The following TENM2 variants were observed in gnomAD, a reference collection of about 807,000 sequenced individuals.
TENM2 encodes teneurin transmembrane protein 2.
Under a neutral mutation model 245.2 loss-of-function variants are expected in TENM2, and 52 were observed. That is an observed-to-expected ratio of 0.21 (90% CI 0.17 to 0.27). The LOEUF is 0.27. TENM2 is among the 10% of genes least tolerant of loss of function. The pLI is 1.00. For synonymous variants in TENM2, 1,363 were observed against 1,438.9 expected, an observed-to-expected ratio of 0.95 and a Z score of 1.19; for missense variants, 3,046 against 3,666.8, an observed-to-expected ratio of 0.83 and a Z score of 4.37.
chr5:168,106,505 ACACAGAGTTTAAGTAACTTG>A (rs1409491758), intron 9 of TENM2, among the ~76,000 whole-genome samples: 7 of 152,224 alleles, frequency 4.6e-5, no homozygotes, highest in Non-Finnish European at 7.3e-5. Context: ...AAAATGAGGC[ACACAGAGTTTAAGTAACTTG>A]CTCAAAATCA....
the TENM2 span, among the ~76,000 whole-genome samples, chr5:167,017,869 C>T: frequency 6.6e-6 from 1 of 152,034 alleles, no homozygotes; most frequent in Non-Finnish European, 1.5e-5. Context: ...TTAACATTAC[C>T]GTTGTCACGG....
intron 1 of TENM2, among the ~76,000 whole-genome samples, chr5:167,309,623 C>T (rs1486429113): frequency 6.6e-6 from 1 of 152,120 alleles, no homozygotes. Context: ...AACCTCAAAA[C>T]CAGGCTATGA....
In TENM2 at chr5:167,466,444, C is replaced by G. The variant is rs17068513; in HGVS notation, c.502+90971C>G. Among the ~76,000 whole-genome samples, 115 of 152,262 alleles carry G rather than the reference C, an allele frequency of 7.6e-4. 2 individuals are homozygous for G. The highest frequency in any genetic ancestry group is 2.6e-3 in the African/African-American group (109 of 41,552). On this transcript the variant is annotated intron_variant, in intron 2 of 28. Coordinates refer to ENST00000518659, the Ensembl canonical transcript of TENM2. ...AATTGAATTAAGGCAGTCCAAAAAT[C>G]TACATGTGTCTCAATGCATACAATG...
rs760997782 is a variant in TENM2, at chr5:167,423,245, C to T, written c.502+47772C>T. Among the ~76,000 whole-genome samples the T allele has an allele frequency of 3.3e-5, 5 of 152,250 alleles. No homozygotes were observed. In the East Asian group the frequency reaches 9.7e-4, roughly 29 times the overall value. On this transcript the variant is annotated intron_variant, in intron 2 of 28. Coordinates refer to ENST00000518659, the Ensembl canonical transcript of TENM2. ...TTTAGGGGTCATTGGTACATTTACT[C>T]AGCAAAGTTAGCTGCCTGAAAGACA...
intron 2 of TENM2, among the ~76,000 whole-genome samples, chr5:167,491,982 G>A (rs1226797334): frequency 6.6e-6 from 1 of 152,026 alleles, no homozygotes; most frequent in Non-Finnish European, 1.5e-5. Flanking sequence ...TAAAAGGAGA[G>A]CAATGGAAAG....
the TENM2 span, among the ~76,000 whole-genome samples, chr5:167,011,439 C>T: frequency 2.0e-5 from 3 of 152,180 alleles, no homozygotes; most frequent in South Asian, 4.1e-4. Flanking sequence ...CATGGACAGG[C>T]ACAGAGTTTC....
chr5:167,379,126 A>G (rs1481610004), intron 2 of TENM2, among the ~76,000 whole-genome samples: 1 of 152,144 alleles, frequency 6.6e-6, no homozygotes, highest in Non-Finnish European at 1.5e-5. Flanking sequence ...TACAATCCTC[A>G]TAATGTACTT....
chr5:167,778,263 C>T (rs769467018), intron 2 of TENM2, among the ~76,000 whole-genome samples: 3 of 152,154 alleles, frequency 2.0e-5, no homozygotes, highest in Non-Finnish European at 2.9e-5. Flanking sequence ...CTGAAACCAA[C>T]AAGAGCCATT....
intron 2 of TENM2, among the ~76,000 whole-genome samples, chr5:167,666,947 A>AC (rs1755617552): frequency 1.3e-5 from 2 of 152,196 alleles, no homozygotes; most frequent in African/African-American, 2.4e-5. Flanking sequence ...GGTTTCTGGG[A>AC]TATGGCACTT....
chr5:167,305,329 C>G (rs1262956755), intron 1 of TENM2, among the ~76,000 whole-genome samples: 2 of 152,180 alleles, frequency 1.3e-5, no homozygotes, highest in African/African-American at 4.8e-5. Flanking sequence ...TTTAGCCAAT[C>G]CCTGAGTGAA....
At chr5:167,953,635 G>A (rs1780295621) in intron 4 of TENM2, among the ~76,000 whole-genome samples, 1 of 152,216 alleles carries the variant, frequency 6.6e-6, no homozygotes, top group Admixed American at 6.5e-5. Context: ...TTCTTGGTTT[G>A]TGTGTTTCAA....
At chr5:167,198,499 A>G in the TENM2 span, among the ~76,000 whole-genome samples, 11 of 152,190 alleles carry the variant, frequency 7.2e-5, no homozygotes, top group African/African-American at 2.6e-4. Context: ...TAGCCACAAA[A>G]TGATCTGGCC....
intron 2 of TENM2, among the ~76,000 whole-genome samples, chr5:167,381,762 A>G (rs527969884): frequency 7.0e-4 from 107 of 152,242 alleles, no homozygotes; most frequent in Middle Eastern, 3.4e-3. Flanking sequence ...GAAATCAGAT[A>G]TAAAAATTGT....
At chr5:167,670,572 T>C (rs571084324) in intron 2 of TENM2, among the ~76,000 whole-genome samples, 2 of 152,110 alleles carry the variant, frequency 1.3e-5, no homozygotes, top group African/African-American at 4.8e-5. Flanking sequence ...ATCATTCAAA[T>C]TGCAATGAAC....
chr5:167,474,449 A>G (rs1484422277), intron 2 of TENM2, among the ~76,000 whole-genome samples: 1 of 151,912 alleles, frequency 6.6e-6, no homozygotes, highest in Non-Finnish European at 1.5e-5. Flanking sequence ...TACTTTTCCC[A>G]TTCACCCAAT....
At chr5:167,960,098 A>T (rs1780884224) in intron 4 of TENM2, among the ~76,000 whole-genome samples, 1 of 152,212 alleles carries the variant, frequency 6.6e-6, no homozygotes, top group Admixed American at 6.5e-5. Context: ...ACCAGATGCC[A>T]GCTGGAGCTC....
chr5:167,156,770 C>G, the TENM2 span, among the ~76,000 whole-genome samples: 3 of 152,204 alleles, frequency 2.0e-5, no homozygotes, highest in African/African-American at 7.2e-5. Context: ...CTCTCAAGCG[C>G]TTTCCCAGAA....
the TENM2 span, among the ~76,000 whole-genome samples, chr5:167,010,318 G>T: frequency 9.2e-5 from 14 of 152,302 alleles, no homozygotes; most frequent in East Asian, 2.5e-3. Context: ...GGGAGGCAGA[G>T]GTTGCAGTGA....
intron 9 of TENM2, among the ~76,000 whole-genome samples, chr5:168,105,667 C>G (rs908857458): frequency 2.6e-5 from 4 of 152,142 alleles, no homozygotes; most frequent in Non-Finnish European, 5.9e-5. Flanking sequence ...AATTGAGCAA[C>G]TTAATAGGCA....
Sources: gnomAD v4.1 joint callset for allele counts (sites outside exome capture counted in the v4.1 genomes callset) on GRCh38, gnomAD v4.1.1 for gene constraint, MANE v1.5 for transcripts, NCBI Gene and HGNC (gene_info 2026-07-23, HGNC 2026-07-21) for gene names.